The following TOP6BL variants were observed in gnomAD, a reference collection of about 807,000 sequenced individuals.
The protein encoded by TOP6BL is type 2 DNA topoisomerase 6 subunit B-like.
At chr11:66,804,631 G>A in the TOP6BL span, among the ~76,000 whole-genome samples, 3 of 152,168 alleles carry the variant, frequency 2.0e-5, no homozygotes, top group African/African-American at 7.2e-5. Flanking sequence ...TAAGTGAACT[G>A]GATTAAAAAT....
At chr11:66,841,832 T>G in the TOP6BL span, among the ~76,000 whole-genome samples, 1 of 151,850 alleles carries the variant, frequency 6.6e-6, no homozygotes. Context: ...GGAAGTTGTT[T>G]TATGCCTTTG....
the TOP6BL span, among the ~76,000 whole-genome samples, chr11:66,769,987 C>T: frequency 1.3e-5 from 2 of 151,900 alleles, no homozygotes; most frequent in Non-Finnish European, 2.9e-5. Flanking sequence ...CCTTGTGATC[C>T]GCCTGCCTCG....
the TOP6BL span, chr11:66,843,170 A>G: frequency 1.2e-6 from 2 of 1,611,196 alleles, no homozygotes; most frequent in South Asian, 1.1e-5. Flanking sequence ...TTCCCGCAGG[A>G]CGTGCTGTGG....
At chr11:66,837,165 C>T in the TOP6BL span, among the ~76,000 whole-genome samples, 59 of 152,086 alleles carry the variant, frequency 3.9e-4, no homozygotes, top group Non-Finnish European at 7.2e-4. Context: ...CTCACTCTGT[C>T]GCCCAGGCTG....
chr11:66,795,849 GT>G, the TOP6BL span: 1 of 152,704 alleles, frequency 6.5e-6, no homozygotes, highest in African/African-American at 2.4e-5. Context: ...TCAAAAATAG[GT>G]TCCTTTTAGT....
At chr11:66,744,819 G>GGGCTGC in the TOP6BL span, 1 of 1,230,232 alleles carries the variant, frequency 8.1e-7, no homozygotes, top group Non-Finnish European at 1.0e-6. Context: ...GCTGAGGAGG[G>GGGCTGC]GGCGGCGGCG....
the TOP6BL span, chr11:66,801,011 A>G: frequency 9.3e-6 from 15 of 1,612,440 alleles, no homozygotes; most frequent in East Asian, 3.3e-4. Context: ...GAGATGGCTT[A>G]GCTTTGCTTT....
At chr11:66,803,527 C>T in the TOP6BL span, among the ~76,000 whole-genome samples, 1 of 152,190 alleles carries the variant, frequency 6.6e-6, no homozygotes, top group Non-Finnish European at 1.5e-5. Context: ...TTCCCAGGTT[C>T]AAGCGATTCT....
chr11:66,761,851 C>G, the TOP6BL span: 1 of 918,114 alleles, frequency 1.1e-6, no homozygotes, highest in African/African-American at 1.6e-5. Context: ...CCAGCTTCAT[C>G]CTCTGGATAA....
the TOP6BL span, among the ~76,000 whole-genome samples, chr11:66,751,680 G>A: frequency 6.6e-6 from 1 of 151,942 alleles, no homozygotes; most frequent in Non-Finnish European, 1.5e-5. Flanking sequence ...GGCATTTATT[G>A]ATTTTCCACC....
At chr11:66,822,613 T>A in the TOP6BL span, 1 of 1,553,136 alleles carries the variant, frequency 6.4e-7, no homozygotes, top group Non-Finnish European at 8.7e-7. Context: ...AACTCCATCA[T>A]GAGTATTCTG....
At chr11:66,785,009 G>GC in the TOP6BL span, among the ~76,000 whole-genome samples, 34 of 134,922 alleles carry the variant, frequency 2.5e-4, no homozygotes, top group East Asian at 5.1e-3. Flanking sequence ...AGGCTGGAGT[G>GC]CAATGGCGTG....
the TOP6BL span, among the ~76,000 whole-genome samples, chr11:66,778,149 G>C: frequency 2.8e-5 from 4 of 145,018 alleles, no homozygotes; most frequent in African/African-American, 1.0e-4. Context: ...TGATTCTCCT[G>C]CCTCAGCCTC....
the TOP6BL span, among the ~76,000 whole-genome samples, chr11:66,823,674 G>A: frequency 6.6e-6 from 1 of 152,124 alleles, no homozygotes; most frequent in South Asian, 2.1e-4. Context: ...ACAAAAATCA[G>A]CCAGGCGTGG....
chr11:66,796,786 A>AG, the TOP6BL span, among the ~76,000 whole-genome samples: 1 of 128,170 alleles, frequency 7.8e-6, no homozygotes, highest in Non-Finnish European at 1.6e-5. Context: ...CTGTCTTTGG[A>AG]AAAAAAAAAA....
At chr11:66,804,201 G>T in the TOP6BL span, 1 of 1,587,376 alleles carries the variant, frequency 6.3e-7, no homozygotes, top group Non-Finnish European at 8.6e-7. Context: ...ATATCCTTTT[G>T]ATGAAAAGTT....
chr11:66,764,314 TCCTAGTGGC>T, the TOP6BL span, among the ~76,000 whole-genome samples: 2 of 151,992 alleles, frequency 1.3e-5, no homozygotes, highest in Non-Finnish European at 2.9e-5. Context: ...GAAAGATCAT[TCCTAGTGGC>T]CCTGCTCCTG....
chr11:66,785,069 C>T, the TOP6BL span, among the ~76,000 whole-genome samples: 2 of 151,342 alleles, frequency 1.3e-5, no homozygotes, highest in Non-Finnish European at 2.9e-5. Flanking sequence ...AGTCCTCCTG[C>T]CTCAGCCTCC....
the TOP6BL span, among the ~76,000 whole-genome samples, chr11:66,756,740 T>C: frequency 6.6e-6 from 1 of 151,916 alleles, no homozygotes; most frequent in South Asian, 2.1e-4. Flanking sequence ...GATGGGGTCT[T>C]GCTCTGTGTT....
Sources: allele counts gnomAD v4.1 joint callset (sites outside exome capture counted in the v4.1 genomes callset), GRCh38; gene constraint gnomAD v4.1.1; transcripts MANE v1.5; gene names NCBI Gene and HGNC (gene_info 2026-07-23, HGNC 2026-07-21).